POLR1A: variants seen among roughly 807,000 people sequenced by gnomAD.
The protein encoded by POLR1A is DNA-directed RNA polymerase I subunit RPA1.
In POLR1A, 84 loss-of-function variants were observed where a neutral mutation model predicts 205.3. The observed-to-expected ratio is 0.41, with a 90% confidence interval of 0.34 to 0.49. The LOEUF (loss-of-function observed/expected upper bound fraction) is 0.49. Ranked by LOEUF, POLR1A falls within the 20% of genes least tolerant of loss-of-function variation. The pLI, the probability that POLR1A is intolerant of heterozygous loss-of-function variation, is 0.22. For missense variants in POLR1A, 1,645 were observed against 2,204.5 expected (o/e 0.75, Z 5.08); for synonymous variants, 799 against 863.7 (o/e 0.93, Z 1.31).
intron 25 of POLR1A, among the ~76,000 whole-genome samples, chr2:86,039,774 G>A (rs1672565293): frequency 6.6e-6 from 1 of 152,232 alleles, no homozygotes; most frequent in African/African-American, 2.4e-5. Flanking sequence ...AGCGATGCAG[G>A]GAAGGCAACT....
rs1690112129 is a variant in POLR1A, at chr2:86,020,592, A to G, written c.*6831T>C. 6.6e-6 allele frequency: 1 copy of G among 151,544 alleles called. No homozygotes were observed. The highest frequency in any genetic ancestry group is 1.5e-5 in the Non-Finnish European group (1 of 68,014). 9.4% of individuals were successfully genotyped at this position (151,544 alleles called of 1,614,324 possible). A position where few individuals can be genotyped will look rare whatever the true frequency, so the allele number is the denominator to read the frequency against. On this transcript the variant is annotated 3_prime_UTR_variant, in exon 34 of 34. Coordinates refer to ENST00000263857, the MANE Select transcript of POLR1A (RefSeq NM_015425.6). ...AAAAGATGCCACTGCTTCATCTATC[A>G]GAATGGCTAAAATGTAAATGATTCC... is the stretch of plus-strand genomic sequence containing the variant.
Position 86,075,113 on chromosome 2 carries a change from C to T in POLR1A, c.1528G>A (p.Val510Met), listed in dbSNP as rs776152313. 6.2e-7 allele frequency: 1 copy of T among 1,613,426 alleles called. No homozygotes were observed. Among genetic ancestry groups the T allele is most frequent in the South Asian group, 1.1e-5 (1 of 90,936 alleles). Reference protein sequence around the residue: ...EDGSRTALSAVDMTQREAVAK... With the variant: ...EDGSRTALSAMDMTQREAVAK... ...ACGGCCTCTCGCTGGGTCATGTCCA[C>T]AGCGCTCAGGGCTGTGCGGCTGCCG... Residue 510 changes from valine (V) to methionine (M), a missense_variant, in exon 12 of 34, where the codon GTG becomes ATG. Physicochemically the swap from Val to Met is conservative, Grantham distance 21. Coordinates refer to ENST00000263857, the MANE Select transcript of POLR1A (RefSeq NM_015425.6).
In POLR1A at chr2:86,043,003, G is replaced by A. The variant is rs992470587; in HGVS notation, c.3328C>T (p.Arg1110Cys). ...TGAGTCCCAGGGCTGCGGCCATTGC[G>A]GTTTTCACTCTCAAGTTTCAGGGCT... ...VKALKLESEN[R>C]NGRSPGTQEM... is the part of the protein sequence containing the mutation. Residue 1110 changes from arginine (R) to cysteine (C), a missense_variant, in exon 23 of 34, where the codon CGC (arginine) becomes TGC (cysteine). By Grantham distance (180) the Arg-to-Cys change is radical (BLOSUM62 -3). Around this residue, in one of 16 missense-constraint regions of POLR1A, gnomAD observed 201 missense variants for 222.3 expected, o/e 0.90. Coordinates refer to ENST00000263857, the MANE Select transcript of POLR1A (RefSeq NM_015425.6). The A allele has an allele frequency of 5.6e-6, 9 of 1,613,810 alleles. No individual in the cohort carries two copies. The highest frequency in any genetic ancestry group is 3.3e-5 in the South Asian group (3 of 91,066).
At chr2:86,067,849 C>G (rs942754385) in intron 13 of POLR1A, among the ~76,000 whole-genome samples, 1 of 152,088 alleles carries the variant, frequency 6.6e-6, no homozygotes, top group Non-Finnish European at 1.5e-5. Flanking sequence ...TAAAATTTAT[C>G]AAGAATCAAA....
At chr2:86,064,381 T>C (rs983622322) in intron 14 of POLR1A, among the ~76,000 whole-genome samples, 1 of 152,198 alleles carries the variant, frequency 6.6e-6, no homozygotes, top group Non-Finnish European at 1.5e-5. Flanking sequence ...TGAACTTGGA[T>C]ACTCAGGCAA....
At chr2:86,042,809 G>C (rs942215123) in intron 23 of POLR1A, among the ~76,000 whole-genome samples, 165 bp downstream of exon 23, 5 of 152,214 alleles carry the variant, frequency 3.3e-5, no homozygotes, top group African/African-American at 1.2e-4. Context: ...CTTGTTAAGA[G>C]TCCCCACCTT....
Position 86,020,344 on chromosome 2 carries a change from G to A in POLR1A, c.*7079C>T, listed in dbSNP as rs1369870174. 6.6e-6 allele frequency: 1 copy of A among 152,040 alleles called. No homozygotes were observed. The highest frequency in any genetic ancestry group is 1.5e-5 in the Non-Finnish European group (1 of 68,028). The allele number at this position is 152,040 out of a possible 1,614,324, so 9.4% of individuals were successfully genotyped here. ...AAGGCAGCAGATCGTGTGAGCTCAG[G>A]AGTTTGAGCCTGGGCAACATGGTGA... On this transcript the variant is annotated 3_prime_UTR_variant, in exon 34 of 34. Transcript: ENST00000263857.
chr2:86,051,075 A>G (rs1177728082), intron 16 of POLR1A, among the ~76,000 whole-genome samples: 1 of 152,252 alleles, frequency 6.6e-6, no homozygotes, highest in East Asian at 1.9e-4. Context: ...TAAATGTTTA[A>G]TTATAGGAAC....
chr2:86,077,888 T>G lies in POLR1A; in HGVS notation c.1351A>C (p.Ile451Leu). 1.2e-6 allele frequency: 2 copies of G among 1,613,470 alleles called. No individual in the cohort carries two copies. The highest frequency in any genetic ancestry group is 1.7e-6 in the Non-Finnish European group (2 of 1,180,006). The part of the protein sequence containing the change: ...ARSVICPDMY[I>L]NTNEIGIPMV... ...GGAATTCCAATTTCGTTGGTGTTGATGTACATGTCTGGGCAGATGACTGAG... is the reference window on the plus strand; with the variant it reads ...GGAATTCCAATTTCGTTGGTGTTGAGGTACATGTCTGGGCAGATGACTGAG... The change falls in exon 11 of 34, where the codon ATC becomes CTC. Residue 451 changes from isoleucine to leucine, a missense_variant. Around this residue, in one of 16 missense-constraint regions of POLR1A, gnomAD observed 131 missense variants for 214.5 expected, o/e 0.61. Transcript: ENST00000263857.
chr2:86,031,889 A>C (rs1307016844), intron 29 of POLR1A, among the ~76,000 whole-genome samples: 1 of 152,136 alleles, frequency 6.6e-6, no homozygotes, highest in East Asian at 1.9e-4. Flanking sequence ...TCACTGGTGT[A>C]CCTGCTCACC....
At chr2:86,104,006 G>A (rs967062642) in intron 1 of POLR1A, among the ~76,000 whole-genome samples, 1 of 152,226 alleles carries the variant, frequency 6.6e-6, no homozygotes, top group Non-Finnish European at 1.5e-5. Context: ...CTGAAGAAGG[G>A]ATGATGTTAT....
chr2:86,065,592 C>T, intron 13 of POLR1A, 127 bp from the exon 14 acceptor site: 1 of 741,044 alleles, frequency 1.3e-6, no homozygotes, highest in Non-Finnish European at 2.2e-6. Context: ...CTTGTCTTGC[C>T]CACATCCTCA....
rs560749685 is a variant in POLR1A, at chr2:86,033,644, C to A, written c.4161+17G>T. On this transcript the variant is annotated intron_variant, in intron 28 of 33. Coordinates refer to ENST00000263857, the MANE Select transcript of POLR1A (RefSeq NM_015425.6). ...CTGTCCCTGTGCAACTCTAGTGACC[C>A]CCGGGGACTCACTCACCCGACTCCT... The A allele has an allele frequency of 8.1e-6, 13 of 1,611,770 alleles. No individual in the cohort carries two copies. The highest frequency in any genetic ancestry group is 3.3e-5 in the Admixed American group (2 of 59,950).
chr2:86,038,367 C>A (rs551267260), intron 27 of POLR1A, among the ~76,000 whole-genome samples: 1 of 152,196 alleles, frequency 6.6e-6, no homozygotes, highest in Admixed American at 6.5e-5. Context: ...ACAGAAGCAC[C>A]GCTTTGATGG....
intron 13 of POLR1A, among the ~76,000 whole-genome samples, chr2:86,067,401 T>C (rs147031494): frequency 6.6e-6 from 1 of 152,228 alleles, no homozygotes; most frequent in Admixed American, 6.5e-5. Flanking sequence ...GCTTAAAAAC[T>C]TTCCACAAAG....
intron 6 of POLR1A, among the ~76,000 whole-genome samples, chr2:86,086,985 T>C (rs1219961509): frequency 6.6e-6 from 1 of 152,230 alleles, no homozygotes; most frequent in East Asian, 1.9e-4. Flanking sequence ...AAAAAGGCTT[T>C]CTAAATGCAG....
intron 21 of POLR1A, 32 bp downstream of exon 21, chr2:86,045,246 C>G: frequency 7.0e-7 from 1 of 1,428,132 alleles, no homozygotes; most frequent in Non-Finnish European, 9.9e-7. Flanking sequence ...CCCTGGCACT[C>G]TACCTCAAGG....
intron 14 of POLR1A, among the ~76,000 whole-genome samples, chr2:86,062,771 T>C (rs1673019843): frequency 6.6e-6 from 1 of 151,550 alleles, no homozygotes; most frequent in East Asian, 1.9e-4. Flanking sequence ...TTTTTGAGAA[T>C]AAAACTGATA....
intron 6 of POLR1A, among the ~76,000 whole-genome samples, chr2:86,085,789 ATT>A (rs2104425875): frequency 6.6e-6 from 1 of 152,340 alleles, no homozygotes; most frequent in Non-Finnish European, 1.5e-5. Context: ...CCTAGCTGGG[ATT>A]TCAGAGCATC....
Sources: gnomAD v4.1 joint callset for allele counts (sites outside exome capture counted in the v4.1 genomes callset) on GRCh38, gnomAD v4.1.1 for gene constraint, gnomAD v4.1.1 regional missense constraint, MANE v1.5 for transcripts, NCBI Gene and HGNC (gene_info 2026-07-23, HGNC 2026-07-21) for gene names.